The following MSRA variants were observed in gnomAD, a reference collection of about 807,000 sequenced individuals.
MSRA encodes methionine sulfoxide reductase A.
In MSRA, 54 loss-of-function variants were observed where a neutral mutation model predicts 31.3. That is an observed-to-expected ratio of 1.73 (90% CI 1.39 to 2.17). The LOEUF (loss-of-function observed/expected upper bound fraction) is 2.17, where lower values mean the gene tolerates loss of function less well. Ranked by LOEUF, MSRA falls within the 30% of genes most tolerant of loss-of-function variation. The pLI is 0.00. For synonymous variants in MSRA, 169 were observed against 116.5 expected (o/e 1.45, Z -2.90); for missense variants, 507 against 300.9 (o/e 1.69, Z -5.07).
chr8:10,354,277 T>C (rs1166238079), intron 5 of MSRA, among the ~76,000 whole-genome samples: 1 of 152,170 alleles, frequency 6.6e-6, no homozygotes, highest in Non-Finnish European at 1.5e-5. Context: ...TTACAATGCA[T>C]CTGCTACAGC....
intron 3 of MSRA, among the ~76,000 whole-genome samples, chr8:10,256,233 C>G (rs10106875): frequency 0.15 from 22,601 of 152,166 alleles, 2,019 homozygotes; most frequent in East Asian, 0.38. Flanking sequence ...AGCCTATGTC[C>G]TTTTCGGATT....
chr8:10,270,996 C>G (rs1264701780), intron 3 of MSRA, among the ~76,000 whole-genome samples: 2 of 151,820 alleles, frequency 1.3e-5, no homozygotes, highest in South Asian at 2.1e-4. Context: ...ATTTCAAACC[C>G]TCAGCTGCCT....
chr8:10,403,981 T>A (rs1369605010), intron 5 of MSRA, among the ~76,000 whole-genome samples: 1 of 152,210 alleles, frequency 6.6e-6, no homozygotes, highest in Non-Finnish European at 1.5e-5. Flanking sequence ...AATGACGTAA[T>A]TAAAATGTGT....
At chr8:10,346,195 C>A (rs1803764660) in intron 5 of MSRA, among the ~76,000 whole-genome samples, 1 of 152,204 alleles carries the variant, frequency 6.6e-6, no homozygotes. Flanking sequence ...GTCCTGACCT[C>A]AGTAAATGCA....
chr8:10,140,408 A>G (rs748048847), intron 1 of MSRA, among the ~76,000 whole-genome samples: 11 of 152,218 alleles, frequency 7.2e-5, no homozygotes, highest in Non-Finnish European at 1.2e-4. Context: ...CATCATTTGC[A>G]TAGCTTTACA....
chr8:10,155,002 T>TTATATATATATATATATATA lies in MSRA; in HGVS notation c.143-52819_143-52818insTATATATATATATATATATA, dbSNP rs528753270. Among the ~76,000 whole-genome samples the TTATATATATATATATATATA allele has an allele frequency of 4.0e-4, 49 of 123,980 alleles. 7 individuals are homozygous for TTATATATATATATATATATA. The highest frequency in any genetic ancestry group is 2.6e-3 in the South Asian group (9 of 3,488). 81.3% of individuals were successfully genotyped at this position (123,980 alleles called of 152,430 possible). On this transcript the variant is annotated intron_variant, in intron 1 of 5. Coordinates refer to ENST00000317173, the MANE Select transcript of MSRA (RefSeq NM_012331.5). ...AATAGTTTGATAATGTGTATATATT[T>TTATATATATATATATATATA]TATATATATATAGGTTTTACCTTGC... is the stretch of plus-strand genomic sequence containing the variant.
intron 1 of MSRA, among the ~76,000 whole-genome samples, chr8:10,140,712 A>G (rs1374232562): frequency 6.6e-6 from 1 of 152,244 alleles, no homozygotes; most frequent in African/African-American, 2.4e-5. Flanking sequence ...AGGAAAAATG[A>G]GTCAAGATCA....
At chr8:10,227,859 G>C (rs1480713437) in intron 2 of MSRA, among the ~76,000 whole-genome samples, 1 of 152,202 alleles carries the variant, frequency 6.6e-6, no homozygotes, top group Non-Finnish European at 1.5e-5. Context: ...ATCAAGAGTA[G>C]GGATAAGGAA....
chr8:10,121,584 A>G (rs1391008075), intron 1 of MSRA, among the ~76,000 whole-genome samples: 3 of 152,138 alleles, frequency 2.0e-5, no homozygotes, highest in African/African-American at 7.2e-5. Flanking sequence ...CAGAATTGCC[A>G]TTTTTCATTA....
intron 1 of MSRA, among the ~76,000 whole-genome samples, chr8:10,089,366 C>T (rs1009735634): frequency 6.6e-6 from 1 of 152,206 alleles, no homozygotes; most frequent in Non-Finnish European, 1.5e-5. Context: ...TTCATTTTCA[C>T]CTCCTCTTTG....
At chr8:10,081,933 G>T (rs1273042588) in intron 1 of MSRA, among the ~76,000 whole-genome samples, 6 of 152,176 alleles carry the variant, frequency 3.9e-5, no homozygotes, top group Non-Finnish European at 1.5e-5. Flanking sequence ...CATGGCTTTG[G>T]TGGCTCATGC....
chr8:10,055,910 A>G (rs1170046948), intron 1 of MSRA, among the ~76,000 whole-genome samples: 2 of 152,068 alleles, frequency 1.3e-5, no homozygotes, highest in African/African-American at 4.8e-5. Context: ...TTTCCCCATC[A>G]TTTCACCTGC....
chr8:10,058,684 G>A (rs899789743), intron 1 of MSRA, among the ~76,000 whole-genome samples: 1 of 152,184 alleles, frequency 6.6e-6, no homozygotes, highest in African/African-American at 2.4e-5. Flanking sequence ...ATGAAGAAAC[G>A]TTGAGATTTC....
intron 3 of MSRA, among the ~76,000 whole-genome samples, chr8:10,250,239 G>C (rs1413964053): frequency 1.3e-5 from 2 of 152,104 alleles, no homozygotes; most frequent in African/African-American, 2.4e-5. Context: ...TACTCTGATA[G>C]AGAATTATTC....
At chr8:10,138,007 AAG>A (rs1315431308) in intron 1 of MSRA, among the ~76,000 whole-genome samples, 2 of 152,196 alleles carry the variant, frequency 1.3e-5, no homozygotes, top group East Asian at 3.8e-4. Flanking sequence ...GGTAATGCAT[AAG>A]GCAGCAGGGA....
chr8:10,275,830 A>G (rs989115898), intron 3 of MSRA, among the ~76,000 whole-genome samples: 8 of 152,232 alleles, frequency 5.3e-5, no homozygotes, highest in African/African-American at 1.9e-4. Flanking sequence ...CATCACACAG[A>G]CAAAGAGTTG....
At chr8:10,418,143 C>T (rs1245559955) in intron 5 of MSRA, among the ~76,000 whole-genome samples, 1 of 152,140 alleles carries the variant, frequency 6.6e-6, no homozygotes. Context: ...AAATGAAATA[C>T]ACATATACGT....
At chr8:10,250,707 C>G (rs1563269594) in intron 3 of MSRA, 12 of 536,044 alleles carry the variant, frequency 2.2e-5, no homozygotes, top group Non-Finnish European at 3.0e-5. Flanking sequence ...GGTGATGGAA[C>G]TGACTGTATG....
chr8:10,295,508 G>A (rs1800487198), intron 3 of MSRA, among the ~76,000 whole-genome samples: 1 of 152,154 alleles, frequency 6.6e-6, no homozygotes, highest in South Asian at 2.1e-4. Flanking sequence ...GCCCCACCTG[G>A]GACCCCACGC....
Sources: gnomAD v4.1 joint callset for allele counts (sites outside exome capture counted in the v4.1 genomes callset) on GRCh38, gnomAD v4.1.1 for gene constraint, MANE v1.5 for transcripts, NCBI Gene and HGNC (gene_info 2026-07-23, HGNC 2026-07-21) for gene names.